Variants in FGF14 observed in about 807,000 individuals in gnomAD.
FGF14 encodes the protein fibroblast growth factor homologous factor 4.
In FGF14, 5 loss-of-function variants were observed where a neutral mutation model predicts 25.5. That is an observed-to-expected ratio of 0.20 (90% CI 0.10 to 0.41). The LOEUF (loss-of-function observed/expected upper bound fraction) is 0.41, where lower values mean the gene tolerates loss of function less well. FGF14 is among the 10% of genes least tolerant of loss of function. The probability of loss-of-function intolerance (pLI) is 1.00; values close to 1 mark genes in which losing one functional copy is unlikely to be tolerated. For synonymous variants in FGF14, 138 were observed against 118.3 expected (o/e 1.17, Z -1.08); for missense variants, 222 against 320.1 (o/e 0.69, Z 2.34).
chr13:101,843,607 T>A (rs933190786), intron 3 of FGF14, among the ~76,000 whole-genome samples: 2 of 152,024 alleles, frequency 1.3e-5, no homozygotes, highest in East Asian at 3.9e-4. Context: ...AGGAAAAAGA[T>A]GGCAACATAA....
At chr13:102,240,292 C>A (rs554958886) in intron 1 of FGF14, among the ~76,000 whole-genome samples, 11 of 152,212 alleles carry the variant, frequency 7.2e-5, no homozygotes, top group South Asian at 2.1e-4. Flanking sequence ...TATGGCCAAC[C>A]AAATGCAGTC....
chr13:102,075,606 T>C (rs1046061159), intron 1 of FGF14, among the ~76,000 whole-genome samples: 3 of 152,264 alleles, frequency 2.0e-5, no homozygotes, highest in African/African-American at 7.2e-5. Flanking sequence ...TTTATCCAAC[T>C]GGCTTGTGGA....
At chr13:101,733,617 G>A (rs576810563) in intron 3 of FGF14, among the ~76,000 whole-genome samples, 1 of 71,568 alleles carries the variant, frequency 1.4e-5, no homozygotes, top group African/African-American at 4.8e-5. Context: ...AAAAAAGAGA[G>A]AGAGGAGAGA....
chr13:102,036,181 T>C (rs1381122397), intron 1 of FGF14, among the ~76,000 whole-genome samples: 1 of 152,138 alleles, frequency 6.6e-6, no homozygotes, highest in Non-Finnish European at 1.5e-5. Flanking sequence ...ACCACTGGGC[T>C]AAAGCACAGT....
rs1450680915 is a variant in FGF14, at chr13:101,713,151, G to T, written c.*9680C>A. The T allele has an allele frequency of 6.6e-6, 1 of 152,160 alleles. No individual in the cohort carries two copies. The highest frequency in any genetic ancestry group is 1.9e-4 in the East Asian group (1 of 5,188). The allele number at this position is 152,160 out of a possible 1,614,324, so 9.4% of individuals were successfully genotyped here. A position where few individuals can be genotyped will look rare whatever the true frequency, so the allele number is the denominator to read the frequency against. The stretch of plus-strand genomic sequence containing the variant: ...GCAAACATTTAATTTGGACTTTGGG[G>T]ATTTTTGCAGCTGAAATGCATATAC... On this transcript the variant is annotated 3_prime_UTR_variant, in exon 5 of 5. Transcript: ENST00000376143.
chr13:101,884,346 C>G (rs1487100338), intron 1 of FGF14, among the ~76,000 whole-genome samples: 1 of 151,916 alleles, frequency 6.6e-6, no homozygotes, highest in Non-Finnish European at 1.5e-5. Flanking sequence ...AATGTTTAAT[C>G]TGAAGATGAT....
At chr13:102,120,379 T>C (rs555260661) in intron 1 of FGF14, among the ~76,000 whole-genome samples, 7 of 152,318 alleles carry the variant, frequency 4.6e-5, no homozygotes, top group Non-Finnish European at 7.4e-5. Flanking sequence ...TTAGGATTTA[T>C]TCATGTCAGC....
intron 1 of FGF14, among the ~76,000 whole-genome samples, chr13:102,214,772 T>A (rs2050302493): frequency 6.6e-6 from 1 of 152,202 alleles, no homozygotes; most frequent in African/African-American, 2.4e-5. Context: ...ACTGGCATCA[T>A]GTGGGTAGGG....
intron 1 of FGF14, among the ~76,000 whole-genome samples, chr13:101,939,253 T>A (rs2035292788): frequency 6.6e-6 from 1 of 152,224 alleles, no homozygotes; most frequent in Non-Finnish European, 1.5e-5. Flanking sequence ...TTCATAGATA[T>A]TCTTGGTTTC....
chr13:102,397,370 C>A (rs2058609656), intron 1 of FGF14, among the ~76,000 whole-genome samples: 1 of 152,120 alleles, frequency 6.6e-6, no homozygotes, highest in South Asian at 2.1e-4. Flanking sequence ...CCTACCAAGC[C>A]CTGCATGTTC....
At chr13:101,779,902 T>G (rs1332488875) in intron 3 of FGF14, among the ~76,000 whole-genome samples, 1 of 152,202 alleles carries the variant, frequency 6.6e-6, no homozygotes, top group East Asian at 1.9e-4. Context: ...TAGTAATTTT[T>G]TCTTGGACAA....
chr13:101,742,666 G>A (rs112863837), intron 3 of FGF14, among the ~76,000 whole-genome samples: 18 of 152,244 alleles, frequency 1.2e-4, no homozygotes, highest in African/African-American at 4.3e-4. Flanking sequence ...ATTAAAAGAT[G>A]TGAAAGAAAA....
chr13:102,196,954 TTG>T (rs2049383901), intron 1 of FGF14, among the ~76,000 whole-genome samples: 1 of 124,682 alleles, frequency 8.0e-6, no homozygotes, highest in Non-Finnish European at 1.6e-5. Flanking sequence ...TTTTGTTTTT[TTG>T]GTTTTTTTTT....
rs573771873 is a variant in FGF14, at chr13:102,090,443, T to C, written c.209-215147A>G. Among the ~76,000 whole-genome samples the C allele has an allele frequency of 4.7e-5, 7 of 147,468 alleles. No homozygotes were observed. The East Asian group carries it at 1.2e-3, about 25-fold the overall frequency. On this transcript the variant is annotated intron_variant, in intron 1 of 4. Coordinates refer to the FGF14 transcript ENST00000376131. Reference sequence around the variant, plus strand: ...TCCAGGTCTCTGCAGTCAATCGCCATATCTATAAAATGAAGATGATATTAC... The same window carrying C: ...TCCAGGTCTCTGCAGTCAATCGCCACATCTATAAAATGAAGATGATATTAC...
At chr13:102,085,140 T>G (rs1476993178) in intron 1 of FGF14, among the ~76,000 whole-genome samples, 1 of 152,326 alleles carries the variant, frequency 6.6e-6, no homozygotes, top group Admixed American at 6.5e-5. Flanking sequence ...CAATACACGC[T>G]CTACATACTT....
chr13:101,793,855 T>C (rs1443393042), intron 3 of FGF14, among the ~76,000 whole-genome samples: 1 of 152,120 alleles, frequency 6.6e-6, no homozygotes, highest in African/African-American at 2.4e-5. Flanking sequence ...TCACATTTTA[T>C]TTTGAAAATA....
At chr13:102,041,434 T>C (rs61966515) in intron 1 of FGF14, among the ~76,000 whole-genome samples, 9,195 of 152,042 alleles carry the variant, frequency 0.06, 331 homozygotes, top group Middle Eastern at 0.075. Flanking sequence ...CTATTGCTAT[T>C]TGTGATAAGA....
chr13:101,814,470 C>T (rs1441093449), intron 3 of FGF14, among the ~76,000 whole-genome samples: 1 of 152,182 alleles, frequency 6.6e-6, no homozygotes, highest in Non-Finnish European at 1.5e-5. Flanking sequence ...GGGTAAAATT[C>T]AATGAGTTTT....
chr13:102,356,928 C>CATATATATATATATATATATATAT (rs3066054), intron 1 of FGF14, among the ~76,000 whole-genome samples: 2 of 142,014 alleles, frequency 1.4e-5, no homozygotes, highest in African/African-American at 5.2e-5. Context: ...CTATAAAATG[C>CATATATATATATATATATATATAT]ATATATATAT....
Sources: allele counts gnomAD v4.1 joint callset (sites outside exome capture counted in the v4.1 genomes callset), GRCh38; gene constraint gnomAD v4.1.1; transcripts MANE v1.5; gene names NCBI Gene and HGNC (gene_info 2026-07-23, HGNC 2026-07-21).